Variants in MPHOSPH9 observed in about 807,000 individuals in gnomAD.
MPHOSPH9 encodes the protein M-phase phosphoprotein 9.
Under a neutral mutation model 145.5 loss-of-function variants are expected in MPHOSPH9, and 88 were observed. The ratio of observed to expected loss-of-function variants is 0.60; its 90% CI spans 0.51 to 0.72. The LOEUF is 0.72. MPHOSPH9 is among the 30% of genes least tolerant of loss of function. MPHOSPH9 has a pLI of 0.00. For synonymous variants in MPHOSPH9, 435 were observed against 486.2 expected (o/e 0.89, Z 1.39); for missense variants, 1,238 against 1,386.6 (o/e 0.89, Z 1.70).
chr12:123,156,827 G>T lies in MPHOSPH9; in HGVS notation c.3532C>A (p.Arg1178Ser). The change falls in exon 24 of 24, where the codon CGC becomes AGC. Residue 1178 changes from arginine (R) to serine (S), a missense_variant. This residue lies in a region of MPHOSPH9 where 393 missense variants were observed against 462.5 expected (regional missense o/e 0.85). Transcript: ENST00000606320. ...RMTLKKFHVL[R>S]TSANL ...AAATCTCAAAGATTTGCAGAGGTGCGCAAAACATGGAATTTCTTTAGCGTC... is the reference window on the plus strand; with the variant it reads ...AAATCTCAAAGATTTGCAGAGGTGCTCAAAACATGGAATTTCTTTAGCGTC... 1 of 1,610,922 alleles carries T rather than the reference G, an allele frequency of 6.2e-7. No individual in the cohort carries two copies. The highest frequency in any genetic ancestry group is 1.3e-5 in the African/African-American group (1 of 75,004).
In MPHOSPH9 at chr12:123,159,470, G is replaced by GT. The variant is rs962164390; in HGVS notation, c.3450+1310dup. On this transcript the variant is annotated intron_variant, in intron 23 of 23. Coordinates refer to ENST00000606320, the MANE Select transcript of MPHOSPH9 (RefSeq NM_022782.4). The surrounding 1 kb of genome is among the most constrained non-coding windows in gnomAD (Gnocchi z 4.3). ...AAGCCATTGCGCCTGGCCATGGCAG[G>GT]TTTTTTTTTGTTTTTTTTGTTGTTG... 1.3e-4 allele frequency among the ~76,000 whole-genome samples: 19 copies of GT among 151,530 alleles called. No individual in the cohort carries two copies. Among genetic ancestry groups the GT allele is most frequent in the Non-Finnish European group, 1.8e-4 (12 of 67,802 alleles).
In MPHOSPH9 at chr12:123,227,628, T is replaced by C; in HGVS notation, c.105-12A>G. 6.7e-7 allele frequency: 1 copy of C among 1,493,004 alleles called. No homozygotes were observed. The highest frequency in any genetic ancestry group is 8.9e-7 in the Non-Finnish European group (1 of 1,127,962). 92.5% of individuals were successfully genotyped at this position (1,493,004 alleles called of 1,614,324 possible). A position where few individuals can be genotyped will look rare whatever the true frequency, so the allele number is the denominator to read the frequency against. On this transcript the variant is annotated splice_polypyrimidine_tract_variant and intron_variant, in intron 2 of 23. Transcript: ENST00000606320. ...GGTGGGGACTACTTCTGTTGAAACA[T>C]AAATAATTCAAATGGTTTTCTTCAT...
chr12:123,220,518 T>C (rs550606342), intron 5 of MPHOSPH9, among the ~76,000 whole-genome samples: 19 of 151,944 alleles, frequency 1.3e-4, no homozygotes, highest in African/African-American at 4.6e-4. Flanking sequence ...TGAGCTGAGA[T>C]TGCGCCACTG....
At chr12:123,237,602 G>A (rs2047871650), upstream of MPHOSPH9, among the ~76,000 whole-genome samples, 1 of 152,150 alleles carries the variant, frequency 6.6e-6, no homozygotes, top group Middle Eastern at 3.2e-3. Context: ...CAAAATCAAA[G>A]ACTACAGCTC....
intron 12 of MPHOSPH9, among the ~76,000 whole-genome samples, chr12:123,194,853 C>G (rs1472612361): frequency 6.6e-6 from 1 of 151,872 alleles, no homozygotes; most frequent in Non-Finnish European, 1.5e-5. Context: ...AACTCCTGAC[C>G]TCAAGTAATC....
Position 123,216,104 on chromosome 12 carries a change from G to A in MPHOSPH9, c.997-1270C>T, listed in dbSNP as rs1054670999. ...TACAAAAAATTAGCCGGGCGTGGTG[G>A]TGGGGGTGTATTGAATGGCTTTTCT... On this transcript the variant is annotated intron_variant, in intron 6 of 23. Coordinates refer to ENST00000606320, the MANE Select transcript of MPHOSPH9 (RefSeq NM_022782.4). Among the ~76,000 whole-genome samples, 6 of 152,312 alleles carry A rather than the reference G, an allele frequency of 3.9e-5. No homozygotes were observed. In the East Asian group the frequency reaches 9.6e-4, roughly 24 times the overall value.
chr12:123,218,439 T>C lies in MPHOSPH9; in HGVS notation c.933A>G (p.Val311=). ...GTTTAGATCTTGAACCTCCATCTTC[T>C]ACATGTGCTCTCTTTGGTTGGTTCT... ...LKQNQPKRAH[V]EDGGSRSKQG... is the part of the protein sequence containing the mutation. The change falls in exon 6 of 24, where the codon GTA becomes GTG. Residue 311 remains valine, a synonymous_variant. Transcript: ENST00000606320. The C allele has an allele frequency of 1.2e-6, 2 of 1,614,036 alleles. No homozygotes were observed. Among genetic ancestry groups the C allele is most frequent in the Non-Finnish European group, 1.7e-6 (2 of 1,179,910 alleles).
At chr12:123,230,029 C>G (rs535727802) in intron 2 of MPHOSPH9, 2 of 289,676 alleles carry the variant, frequency 6.9e-6, no homozygotes, top group Non-Finnish European at 1.3e-5. Context: ...ACCATGTTAG[C>G]CAGGCTGGTC....
In MPHOSPH9 at chr12:123,218,302, T is replaced by C. The variant is rs2047055655; in HGVS notation, c.996+74A>G. On this transcript the variant is annotated intron_variant, in intron 6 of 23. Transcript: ENST00000606320. ...ATACAAAAGAAAGGGCACAAGAGTT[T>C]TGTTCATGAGCGTGTACTAAACCCA... 1.9e-6 allele frequency: 3 copies of C among 1,553,616 alleles called. No individual in the cohort carries two copies. The East Asian group carries it at 6.8e-5, about 35-fold the overall frequency.
Position 123,203,225 on chromosome 12 carries a change from C to T in MPHOSPH9, c.1320+25G>A, listed in dbSNP as rs371034174. 104 of 1,610,306 alleles carry T rather than the reference C, an allele frequency of 6.5e-5. No individual in the cohort carries two copies. In the African/African-American group the frequency reaches 1.2e-3, roughly 18 times the overall value. On this transcript the variant is annotated intron_variant, in intron 9 of 23. Coordinates refer to ENST00000606320, the MANE Select transcript of MPHOSPH9 (RefSeq NM_022782.4). ...AGTCAGGAAGCATTGTTCACGTTCA[C>T]TCGGCAGAATGTGGACAACTTTACC...
intron 13 of MPHOSPH9, among the ~76,000 whole-genome samples, chr12:123,181,540 C>G (rs998192468): frequency 1.3e-5 from 2 of 151,102 alleles, no homozygotes; most frequent in African/African-American, 4.9e-5. Context: ...GACCTCGTCT[C>G]TTCAAAAACA....
At chr12:123,237,705 G>A (rs775375475), upstream of MPHOSPH9, among the ~76,000 whole-genome samples, 23 of 152,056 alleles carry the variant, frequency 1.5e-4, no homozygotes, top group Non-Finnish European at 2.4e-4. Flanking sequence ...TATCTTCAGC[G>A]TAAAACCCCA....
At chr12:123,219,341 G>A (rs1490308304) in intron 5 of MPHOSPH9, among the ~76,000 whole-genome samples, 3 of 151,776 alleles carry the variant, frequency 2.0e-5, no homozygotes, top group African/African-American at 7.3e-5. Flanking sequence ...GCTCACGCCT[G>A]TAATCCCAGC....
At chr12:123,235,597 C>A (rs1279334279), upstream of MPHOSPH9, among the ~76,000 whole-genome samples, 2 of 150,234 alleles carry the variant, frequency 1.3e-5, no homozygotes, top group African/African-American at 4.9e-5. Context: ...TGGTCTCGAT[C>A]TCCTGACCTC....
upstream of MPHOSPH9, among the ~76,000 whole-genome samples, chr12:123,236,950 C>T (rs766597390): frequency 6.6e-6 from 1 of 151,588 alleles, no homozygotes; most frequent in Non-Finnish European, 1.5e-5. Flanking sequence ...CCAAGCGTGG[C>T]GGCATGCGCC....
intron 5 of MPHOSPH9, among the ~76,000 whole-genome samples, chr12:123,221,100 A>C (rs770168457): frequency 1.3e-5 from 2 of 152,220 alleles, no homozygotes; most frequent in Non-Finnish European, 2.9e-5. Flanking sequence ...ATGTATGACA[A>C]ACTTCCACTA....
chr12:123,162,194 TA>T lies in MPHOSPH9; in HGVS notation c.3053del (p.Leu1018Ter). The T allele has an allele frequency of 6.5e-7, 1 of 1,538,826 alleles. No individual in the cohort carries two copies. Among genetic ancestry groups the T allele is most frequent in the South Asian group, 1.3e-5 (1 of 75,264 alleles). On this transcript the variant is annotated frameshift_variant, in exon 21 of 24. Transcript: ENST00000606320. LOFTEE classifies it high-confidence loss of function. The stretch of plus-strand genomic sequence containing the variant: ...GTAATGTAGACACAGGAACAGTATC[TA>T]AATCATCCAAAAGTATATCAAATCT... ...PIRFDILLDD[L>X]DTVPVSTLQR...
intron 1 of MPHOSPH9, among the ~76,000 whole-genome samples, chr12:123,241,138 GTT>G (rs2047929171): frequency 6.3e-5 from 7 of 111,724 alleles, no homozygotes; most frequent in Non-Finnish European, 1.3e-4. Context: ...TTTATTTGGG[GTT>G]GTTTTTTTTT....
intron 3 of MPHOSPH9, among the ~76,000 whole-genome samples, chr12:123,224,364 G>A (rs866195525): frequency 6.6e-6 from 1 of 151,914 alleles, no homozygotes; most frequent in Non-Finnish European, 1.5e-5. Flanking sequence ...TCAATCTCCT[G>A]ACCTCATGAT....
Sources: allele counts gnomAD v4.1 joint callset (sites outside exome capture counted in the v4.1 genomes callset), GRCh38; gene constraint gnomAD v4.1.1; regional missense constraint gnomAD v4.1.1; non-coding constraint Gnocchi (gnomAD v3.1); transcripts MANE v1.5; gene names NCBI Gene and HGNC (gene_info 2026-07-23, HGNC 2026-07-21).